The following FAT4 variants were observed in gnomAD, a reference collection of about 807,000 sequenced individuals.
FAT4 encodes the protein protocadherin Fat 4.
In FAT4, 84 loss-of-function variants were observed where a neutral mutation model predicts 303.9. That is an observed-to-expected ratio of 0.28 (90% CI 0.23 to 0.33). The LOEUF (loss-of-function observed/expected upper bound fraction) is 0.33, where lower values mean the gene tolerates loss of function less well. Ranked by LOEUF, FAT4 falls within the 10% of genes least tolerant of loss-of-function variation. FAT4 has a pLI of 1.00. For synonymous variants in FAT4, 2,307 were observed against 2,298.8 expected (o/e 1.00, Z -0.10); for missense variants, 6,005 against 6,146.8 (o/e 0.98, Z 0.77).
Position 125,317,862 on chromosome 4 carries a change from T to G in FAT4, c.1451T>G (p.Leu484Arg), listed in dbSNP as rs758809697. Reference sequence around the variant, plus strand: ...TCACAGCAAGTGTACAGAGTGAACCTGAGCGAGGAGGCGCCTCCGGGAAGC... The same window carrying G: ...TCACAGCAAGTGTACAGAGTGAACCGGAGCGAGGAGGCGCCTCCGGGAAGC... Reference protein sequence around the residue: ...VFSQQVYRVNLSEEAPPGSYV... With the variant: ...VFSQQVYRVNRSEEAPPGSYV... The change falls in exon 2 of 18, where the codon CTG becomes CGG. Residue 484 changes from leucine (L) to arginine (R), a missense_variant. Physicochemically the swap from Leu to Arg is moderately radical, Grantham distance 102. Transcript: ENST00000394329. This position sits in a 1 kb window ranked among gnomAD's most constrained non-coding sequence, Gnocchi z 7.0. 6.2e-7 allele frequency: 1 copy of G among 1,614,154 alleles called. No homozygotes were observed. Among genetic ancestry groups the G allele is most frequent in the Non-Finnish European group, 8.5e-7 (1 of 1,180,014 alleles).
intron 8 of FAT4, among the ~76,000 whole-genome samples, chr4:125,439,969 A>G (rs1240357654): frequency 6.6e-6 from 1 of 152,182 alleles, no homozygotes; most frequent in African/African-American, 2.4e-5. Flanking sequence ...ACCACCTACT[A>G]TGTATCAAAC....
intron 3 of FAT4, among the ~76,000 whole-genome samples, chr4:125,405,585 A>G (rs1014679790): frequency 3.3e-5 from 5 of 151,488 alleles, no homozygotes; most frequent in Admixed American, 2.6e-4. Flanking sequence ...ATCTTGGCTC[A>G]CTGCAAGCTC....
chr4:125,483,934 CCGT>C (rs1260523483), intron 16 of FAT4, among the ~76,000 whole-genome samples: 2 of 96,840 alleles, frequency 2.1e-5, no homozygotes, highest in African/African-American at 7.8e-5. Flanking sequence ...CCCCAGGGTT[CCGT>C]TTTTTTTTTT....
chr4:125,415,925 C>T, intron 6 of FAT4, 119 bp downstream of exon 6: 1 of 762,454 alleles, frequency 1.3e-6, no homozygotes, highest in Middle Eastern at 3.5e-4. Flanking sequence ...TCCATAAATG[C>T]TCAATTGCAG....
chr4:125,429,980 GAAGGGTTACATC>G (rs1725227134), intron 7 of FAT4, among the ~76,000 whole-genome samples: 1 of 152,126 alleles, frequency 6.6e-6, no homozygotes, highest in South Asian at 2.1e-4. Context: ...CAGTTAAAAG[GAAGGGTTACATC>G]ACACACCGGG....
chr4:125,415,649 T>C lies in FAT4; in HGVS notation c.6686T>C (p.Val2229Ala). 1 of 1,614,032 alleles carries C rather than the reference T, an allele frequency of 6.2e-7. No individual in the cohort carries two copies. The highest frequency in any genetic ancestry group is 8.5e-7 in the Non-Finnish European group (1 of 1,179,972). Residue 2229 changes from valine (V) to alanine (A), a missense_variant, in exon 6 of 18, where the codon GTT (valine) becomes GCT (alanine). Coordinates refer to ENST00000394329, the MANE Select transcript of FAT4 (RefSeq NM_001291303.3). ...AAGACCCCTACCTACCATTTAACTG[T>C]TCAGGCAACAGATCGAGGCAGCACA... ...REKTPTYHLTVQATDRGSTPR... is the reference protein window; with the variant it reads ...REKTPTYHLTAQATDRGSTPR...
Position 125,451,389 on chromosome 4 carries a change from A to C in FAT4, c.10379A>C (p.Gln3460Pro), listed in dbSNP as rs1220305546. 3.7e-6 allele frequency: 6 copies of C among 1,614,148 alleles called. No homozygotes were observed. In the Admixed American group the frequency reaches 1.0e-4, roughly 27 times the overall value. The change falls in exon 10 of 18, where the codon CAG becomes CCG. Residue 3460 changes from glutamine to proline, a missense_variant. Transcript: ENST00000394329. ...AATGGTGCCTTTTCTATTAATCCGC[A>C]GACAGGACAGATCACCGTTACTGCA... is the stretch of plus-strand genomic sequence containing the variant. Reference protein sequence around the residue: ...NENGAFSINPQTGQITVTAEL... With the variant: ...NENGAFSINPPTGQITVTAEL...
At chr4:125,380,257 G>C (rs1733491490) in intron 2 of FAT4, among the ~76,000 whole-genome samples, 1 of 152,164 alleles carries the variant, frequency 6.6e-6, no homozygotes, top group Non-Finnish European at 1.5e-5. Flanking sequence ...AATCGAAAGA[G>C]ATAAACTTTG....
chr4:125,416,343 G>T, intron 6 of FAT4, 105 bp from the exon 7 acceptor site: 1 of 970,682 alleles, frequency 1.0e-6, no homozygotes. Flanking sequence ...TATATCTTTG[G>T]AATCTCTTAA....
In FAT4 at chr4:125,491,171, T is replaced by A; in HGVS notation, c.14355T>A (p.Pro4785=). 1.2e-6 allele frequency: 2 copies of A among 1,614,102 alleles called. No individual in the cohort carries two copies. Among genetic ancestry groups the A allele is most frequent in the East Asian group, 2.2e-5 (1 of 44,848 alleles). The change falls in exon 18 of 18, where the codon CCT becomes CCA. Residue 4785 remains proline, a synonymous_variant. Coordinates refer to ENST00000394329, the MANE Select transcript of FAT4 (RefSeq NM_001291303.3). ...GGCAGATTCCACTGGAATCTTCTCC[T>A]CCAGTCGGACTTTCTATTGAAGAAG... The part of the protein sequence containing the change: ...PIGQIPLESS[P]PVGLSIEEVE...
chr4:125,393,424 G>A (rs1734046836), intron 2 of FAT4, among the ~76,000 whole-genome samples: 1 of 152,038 alleles, frequency 6.6e-6, no homozygotes, highest in South Asian at 2.1e-4. Flanking sequence ...TGGGGAAATA[G>A]CATGTTTTAT....
chr4:125,476,308 T>A, intron 13 of FAT4, 52 bp downstream of exon 13: 1 of 982,386 alleles, frequency 1.0e-6, no homozygotes, highest in Non-Finnish European at 1.5e-6. Context: ...TTTTTTAAAA[T>A]AAACTTTATA....
chr4:125,451,651 T>A lies in FAT4; in HGVS notation c.10641T>A (p.Thr3547=), dbSNP rs1422968373. The change falls in exon 10 of 18, where the codon ACT becomes ACA. Residue 3547 remains threonine, a synonymous_variant. Transcript: ENST00000394329. Reference sequence around the variant, plus strand: ...TCCCTCCAAATCAAGGTCCCTTTACTTATTACTTGCTGAGCACAGGTCCTG... The same window carrying A: ...TCCCTCCAAATCAAGGTCCCTTTACATATTACTTGCTGAGCACAGGTCCTG... The part of the protein sequence containing the change: ...PDLPPNQGPF[T]YYLLSTGPAT... 6.2e-7 allele frequency: 1 copy of A among 1,614,186 alleles called. No individual in the cohort carries two copies. The highest frequency in any genetic ancestry group is 1.7e-5 in the Admixed American group (1 of 60,020).
intron 2 of FAT4, among the ~76,000 whole-genome samples, chr4:125,376,853 C>G (rs1348606950): frequency 6.6e-6 from 1 of 152,084 alleles, no homozygotes; most frequent in Non-Finnish European, 1.5e-5. Flanking sequence ...CCATTGCACT[C>G]CAGCCTGGGC....
chr4:125,391,433 C>T (rs1263794585), intron 2 of FAT4, among the ~76,000 whole-genome samples: 2 of 152,108 alleles, frequency 1.3e-5, no homozygotes, highest in Non-Finnish European at 2.9e-5. Context: ...AAACCATATT[C>T]TGCATGCTCT....
At chr4:125,419,650 T>C (rs1735210761) in intron 7 of FAT4, among the ~76,000 whole-genome samples, 1 of 152,198 alleles carries the variant, frequency 6.6e-6, no homozygotes, top group Non-Finnish European at 1.5e-5. Context: ...CTACATGGGA[T>C]TCAATAACTT....
intron 2 of FAT4, among the ~76,000 whole-genome samples, chr4:125,338,591 A>C (rs1227333747): frequency 6.6e-6 from 1 of 152,178 alleles, no homozygotes; most frequent in Non-Finnish European, 1.5e-5. Flanking sequence ...CCCTCAAGAG[A>C]CTAGCAATCT....
Position 125,320,375 on chromosome 4 carries a change from G to A in FAT4, c.3964G>A (p.Val1322Ile). The A allele has an allele frequency of 1.2e-6, 2 of 1,614,032 alleles. No individual in the cohort carries two copies. Among genetic ancestry groups the A allele is most frequent in the Non-Finnish European group, 1.7e-6 (2 of 1,179,968 alleles). ...TTCTTTCCCTAAATCAACACTCTTTGTTGATGTTTTGGAAAACATGAGAAT... is the reference window on the plus strand; with the variant it reads ...TTCTTTCCCTAAATCAACACTCTTTATTGATGTTTTGGAAAACATGAGAAT... Reference protein sequence around the residue: ...TPSFPKSTLFVDVLENMRIGE... With the variant: ...TPSFPKSTLFIDVLENMRIGE... The change falls in exon 2 of 18, where the codon GTT becomes ATT. Residue 1322 changes from valine (V) to isoleucine (I), a missense_variant. Transcript: ENST00000394329.
At chr4:125,338,259 C>A (rs999981161) in intron 2 of FAT4, among the ~76,000 whole-genome samples, 3 of 152,040 alleles carry the variant, frequency 2.0e-5, no homozygotes, top group African/African-American at 7.2e-5. Flanking sequence ...CTGCCATTTG[C>A]CTGGATGTAT....
Sources: allele counts gnomAD v4.1 joint callset (sites outside exome capture counted in the v4.1 genomes callset), GRCh38; gene constraint gnomAD v4.1.1; non-coding constraint Gnocchi (gnomAD v3.1); transcripts MANE v1.5; gene names NCBI Gene and HGNC (gene_info 2026-07-23, HGNC 2026-07-21).